PAX3: variants seen among roughly 807,000 people sequenced by gnomAD.
PAX3 encodes paired box 3, also known as paired box protein Pax-3.
PAX3 carries 14 observed loss-of-function variants against 51.6 expected under a neutral mutation model. The observed-to-expected ratio is 0.27, with a 90% CI of 0.18 to 0.42. The LOEUF (loss-of-function observed/expected upper bound fraction) is 0.42, where lower values mean the gene tolerates loss of function less well. Among genes scored for constraint, PAX3 ranks in the 10% least tolerant of loss-of-function variants. The pLI, the probability that PAX3 is intolerant of heterozygous loss-of-function variation, is 1.00. For missense variants in PAX3, 540 were observed against 642.8 expected, an observed-to-expected ratio of 0.84 and a Z score of 1.73; for synonymous variants, 280 against 253.4, an observed-to-expected ratio of 1.11 and a Z score of -1.00.
intron 4 of PAX3, among the ~76,000 whole-genome samples, chr2:222,247,252 G>T (rs1693262014): frequency 6.6e-6 from 1 of 152,178 alleles, no homozygotes; most frequent in South Asian, 2.1e-4. Context: ...ATGAGAGTGT[G>T]AATGGCTGAG....
intron 4 of PAX3, among the ~76,000 whole-genome samples, chr2:222,292,730 C>T (rs1290742133): frequency 1.3e-5 from 2 of 152,160 alleles, no homozygotes; most frequent in Non-Finnish European, 2.9e-5. Context: ...GGTGTCTTCT[C>T]AGAGACCAAG....
intron 4 of PAX3, among the ~76,000 whole-genome samples, chr2:222,267,872 G>A (rs1028460857): frequency 1.3e-5 from 2 of 152,116 alleles, no homozygotes; most frequent in Non-Finnish European, 2.9e-5. Context: ...TATTATATAC[G>A]ACTTACCCTG....
At chr2:222,222,147 C>G (rs1692218985) in intron 5 of PAX3, among the ~76,000 whole-genome samples, 1 of 151,964 alleles carries the variant, frequency 6.6e-6, no homozygotes, top group Non-Finnish European at 1.5e-5. Flanking sequence ...ATTCAAAGCC[C>G]AAGTATTTTG....
At chr2:222,231,704 C>A (rs570657128) in intron 5 of PAX3, among the ~76,000 whole-genome samples, 2 of 152,218 alleles carry the variant, frequency 1.3e-5, no homozygotes, top group East Asian at 3.9e-4. Flanking sequence ...ATCATGGTAC[C>A]CACCTAGGAT....
chr2:222,252,489 C>T (rs1051200335), intron 4 of PAX3, among the ~76,000 whole-genome samples: 10 of 152,306 alleles, frequency 6.6e-5, no homozygotes, highest in African/African-American at 2.2e-4. Flanking sequence ...CAATCTCTCT[C>T]ATGCAGAAGC....
intron 7 of PAX3, among the ~76,000 whole-genome samples, chr2:222,211,816 A>C (rs1397738089): frequency 3.3e-5 from 5 of 152,218 alleles, no homozygotes. Flanking sequence ...CAGGGCCTTT[A>C]GTAGGCTAAT....
At chr2:222,242,277 A>G (rs1693045161) in intron 4 of PAX3, 1 of 152,224 alleles carries the variant, frequency 6.6e-6, no homozygotes, top group Non-Finnish European at 1.5e-5. Context: ...GGCAGAACAC[A>G]GATCTCTCAA....
At chr2:222,293,117 G>A (rs576018881) in intron 4 of PAX3, among the ~76,000 whole-genome samples, 8 of 152,150 alleles carry the variant, frequency 5.3e-5, no homozygotes, top group South Asian at 2.1e-4. Flanking sequence ...CTGGAAAGCC[G>A]CCTGTCCCTC....
chr2:222,245,109 C>T (rs1181516123), intron 4 of PAX3, among the ~76,000 whole-genome samples: 1 of 152,118 alleles, frequency 6.6e-6, no homozygotes, highest in African/African-American at 2.4e-5. Context: ...GATCATGCCA[C>T]TGCACTCCAA....
At chr2:222,221,714 G>A (rs540154833) in intron 5 of PAX3, 214 of 347,634 alleles carry the variant, frequency 6.2e-4, no homozygotes, top group Middle Eastern at 1.9e-3. Context: ...ACCCACCTAC[G>A]TGTAGACAGC....
At chr2:222,289,982 G>C (rs897703826) in intron 4 of PAX3, among the ~76,000 whole-genome samples, 2 of 152,144 alleles carry the variant, frequency 1.3e-5, no homozygotes, top group Admixed American at 6.5e-5. Context: ...CTTGAATAAA[G>C]GATCCGATGC....
At chr2:222,274,533 T>G (rs1186903583) in intron 4 of PAX3, among the ~76,000 whole-genome samples, 2 of 117,540 alleles carry the variant, frequency 1.7e-5, no homozygotes, top group African/African-American at 2.6e-5. Flanking sequence ...AGTTTTTTGT[T>G]TTTTTTTTTA....
intron 5 of PAX3, 49 bp from the exon 6 acceptor site, chr2:222,221,436 A>G (rs1161499766): frequency 4.6e-6 from 7 of 1,521,752 alleles, no homozygotes; most frequent in African/African-American, 1.4e-5. Context: ...AAATAATAGT[A>G]CATTCTTAAT....
At chr2:222,266,208 C>T (rs1273238309) in intron 4 of PAX3, among the ~76,000 whole-genome samples, 1 of 152,190 alleles carries the variant, frequency 6.6e-6, no homozygotes, top group African/African-American at 2.4e-5. Flanking sequence ...AACACTACAG[C>T]ACTCAACAAA....
At chr2:222,234,769 C>A (rs2106099922) in intron 4 of PAX3, among the ~76,000 whole-genome samples, 1 of 152,300 alleles carries the variant, frequency 6.6e-6, no homozygotes, top group Middle Eastern at 3.4e-3. Flanking sequence ...ATACATCTGC[C>A]ACAATTAACT....
At chr2:222,288,263 T>C (rs1213274909) in intron 4 of PAX3, among the ~76,000 whole-genome samples, 1 of 152,230 alleles carries the variant, frequency 6.6e-6, no homozygotes, top group Non-Finnish European at 1.5e-5. Context: ...CTGATGACTT[T>C]AGAAAGTGCA....
intron 4 of PAX3, among the ~76,000 whole-genome samples, chr2:222,291,593 A>G (rs1180270436): frequency 2.0e-5 from 3 of 152,300 alleles, no homozygotes; most frequent in Admixed American, 2.0e-4. Flanking sequence ...ACCTCAGGCC[A>G]AAGATTCCCC....
At chr2:222,268,325 T>G (rs1344339922) in intron 4 of PAX3, among the ~76,000 whole-genome samples, 3 of 152,216 alleles carry the variant, frequency 2.0e-5, no homozygotes, top group Non-Finnish European at 4.4e-5. Flanking sequence ...TGCTCACACT[T>G]TCAAAGAAGT....
At chr2:222,231,512 A>G (rs557383875) in intron 5 of PAX3, among the ~76,000 whole-genome samples, 187 of 152,248 alleles carry the variant, frequency 1.2e-3, no homozygotes, top group Non-Finnish European at 2.2e-3. Flanking sequence ...TCTTAATTAT[A>G]AAATCGTTAA....
Sources: allele counts gnomAD v4.1 joint callset (sites outside exome capture counted in the v4.1 genomes callset), GRCh38; gene constraint gnomAD v4.1.1; transcripts MANE v1.5; gene names NCBI Gene and HGNC (gene_info 2026-07-23, HGNC 2026-07-21).